ADAM11: variants seen among roughly 807,000 people sequenced by gnomAD.
ADAM11 encodes the protein ADAM metallopeptidase domain 11, also known as disintegrin and metalloproteinase domain-containing protein 11.
ADAM11 carries 49 observed loss-of-function variants against 119.1 expected under a neutral mutation model. The ratio of observed to expected loss-of-function variants is 0.41; its 90% CI spans 0.33 to 0.52. The LOEUF (loss-of-function observed/expected upper bound fraction) is 0.52. Ranked by LOEUF, ADAM11 falls within the 20% of genes least tolerant of loss-of-function variation. The pLI, the probability that ADAM11 is intolerant of heterozygous loss-of-function variation, is 0.20. For missense variants in ADAM11, 777 were observed against 1,047.5 expected, an observed-to-expected ratio of 0.74 and a Z score of 3.56; for synonymous variants, 364 against 408.0, an observed-to-expected ratio of 0.89 and a Z score of 1.30.
rs1387904699 is a variant in ADAM11 at position 44,776,318 on chromosome 17, A to C, written c.1566+111A>C. On this transcript the variant is annotated intron_variant, in intron 18 of 26. Transcript: ENST00000200557. This position sits in a 1 kb window ranked among gnomAD's most constrained non-coding sequence, Gnocchi z 5.2. Reference sequence around the variant, plus strand: ...CACTCCCCTCCTCTCCACAGCTGGCATCGACCTCCACTGATCAGACTGTTT... The same window carrying C: ...CACTCCCCTCCTCTCCACAGCTGGCCTCGACCTCCACTGATCAGACTGTTT... 8.5e-7 allele frequency: 1 copy of C among 1,174,452 alleles called. No individual in the cohort carries two copies. Among genetic ancestry groups the C allele is most frequent in the East Asian group, 2.4e-5 (1 of 42,352 alleles). 72.8% of individuals were successfully genotyped at this position (1,174,452 alleles called of 1,614,324 possible).
chr17:44,778,271 T>C (rs2049634265), intron 25 of ADAM11, 29 bp downstream of exon 25: 1 of 1,589,280 alleles, frequency 6.3e-7, no homozygotes. Flanking sequence ...CTGTGCCCCC[T>C]GGCATCCTTG....
chr17:44,764,324 C>T (rs1259240619), intron 2 of ADAM11, among the ~76,000 whole-genome samples: 2 of 152,184 alleles, frequency 1.3e-5, no homozygotes, highest in Admixed American at 6.5e-5. Context: ...TGCAGAAAGG[C>T]GGAGGGCAGT....
At chr17:44,765,723 C>T (rs560893337) in intron 2 of ADAM11, among the ~76,000 whole-genome samples, 1 of 142,370 alleles carries the variant, frequency 7.0e-6, no homozygotes, top group African/African-American at 2.6e-5. Context: ...CGGGTTCAAG[C>T]AATTCCCCTG....
At position 44,776,215 on chromosome 17, in the gene ADAM11, C is replaced by G; in HGVS notation, c.1566+8C>G. The G allele has an allele frequency of 1.2e-6, 2 of 1,612,896 alleles. No individual in the cohort carries two copies. Among genetic ancestry groups the G allele is most frequent in the African/African-American group, 1.3e-5 (1 of 75,002 alleles). ...ACCGGGGACTCTAGCCAGGTCCGCC[C>G]GGCCCCGCCGTCTTGTGGAGCCCTG... On this transcript the variant is annotated splice_region_variant and intron_variant, in intron 18 of 26. Transcript: ENST00000200557. The surrounding 1 kb of genome is among the most constrained non-coding windows in gnomAD (Gnocchi z 5.2).
In ADAM11 at chr17:44,779,211, TCCC is replaced by T. The variant is rs755980761; in HGVS notation, c.2277-8_2277-6del. ...CTTTTCCTCTCCCCTTCCACCATCCTCCCCCTGCAGAAACATTCGCCGAGGAAG... is the reference window on the plus strand; with the variant it reads ...CTTTTCCTCTCCCCTTCCACCATCCTCCTGCAGAAACATTCGCCGAGGAAG... On this transcript the variant is annotated splice_region_variant and splice_polypyrimidine_tract_variant and intron_variant, in intron 25 of 26. Transcript: ENST00000200557. The T allele has an allele frequency of 6.3e-7, 1 of 1,586,346 alleles. No individual in the cohort carries two copies. Among genetic ancestry groups the T allele is most frequent in the Non-Finnish European group, 8.6e-7 (1 of 1,169,400 alleles).
intron 1 of ADAM11, 73 bp from the exon 2 acceptor site, chr17:44,759,649 C>T (rs2049364999): frequency 1.5e-6 from 2 of 1,305,906 alleles, no homozygotes; most frequent in Non-Finnish European, 2.0e-6. Context: ...GGGGATGAGG[C>T]ATGCCCACCC....
chr17:44,780,430 ACCAAAGCTGCCT>A lies in ADAM11; in HGVS notation c.*677_*688del, dbSNP rs1351822297. 2 of 313,762 alleles carry A rather than the reference ACCAAAGCTGCCT, an allele frequency of 6.4e-6. No homozygotes were observed. Among genetic ancestry groups the A allele is most frequent in the African/African-American group, 4.5e-5 (2 of 44,554 alleles). The allele number at this position is 313,762 out of a possible 1,614,324, so 19.4% of individuals were successfully genotyped here. A position where few individuals can be genotyped will look rare whatever the true frequency, so the allele number is the denominator to read the frequency against. Reference sequence around the variant, plus strand: ...GGAGGAAGTATGAGTGCTGATTCAAACCAAAGCTGCCTGTGCCATGCCCAAGGCCTAGGTTAT... The same window carrying A: ...GGAGGAAGTATGAGTGCTGATTCAAAGTGCCATGCCCAAGGCCTAGGTTAT... On this transcript the variant is annotated 3_prime_UTR_variant, in exon 27 of 27. Coordinates refer to ENST00000200557, the MANE Select transcript of ADAM11 (RefSeq NM_002390.6).
At position 44,773,003 on chromosome 17, in the gene ADAM11, C is replaced by G; in HGVS notation, c.754-11C>G. On this transcript the variant is annotated splice_polypyrimidine_tract_variant and intron_variant, in intron 9 of 26. Transcript: ENST00000200557. This position sits in a 1 kb window ranked among gnomAD's most constrained non-coding sequence, Gnocchi z 4.6. ...GGAGCCTGGCCCTCCTCCCATTCTT[C>G]TCTCTCCCAGTTCGAGCAGATGCGA... 1 of 1,614,086 alleles carries G rather than the reference C, an allele frequency of 6.2e-7. No homozygotes were observed.
intron 5 of ADAM11, 40 bp from the exon 6 acceptor site, chr17:44,771,716 G>A (rs747906784): frequency 5.0e-6 from 8 of 1,612,096 alleles, no homozygotes. Flanking sequence ...CTCTGGCCCA[G>A]GCCTGGGGAC....
Position 44,776,128 on chromosome 17 carries a change from A to G in ADAM11, c.1487A>G (p.Tyr496Cys). 1 of 1,613,556 alleles carries G rather than the reference A, an allele frequency of 6.2e-7. No individual in the cohort carries two copies. The highest frequency in any genetic ancestry group is 8.5e-7 in the Non-Finnish European group (1 of 1,179,900). Residue 496 changes from tyrosine to cysteine, a missense_variant and splice_region_variant, in exon 18 of 27, where the codon TAC becomes TGC. Physicochemically the swap from Tyr to Cys is radical, Grantham distance 194. Transcript: ENST00000200557. This position sits in a 1 kb window ranked among gnomAD's most constrained non-coding sequence, Gnocchi z 5.2. Reference protein sequence around the residue: ...SDGLCCRRCKYEPRGVSCREA... With the variant: ...SDGLCCRRCKCEPRGVSCREA... The stretch of plus-strand genomic sequence containing the variant: ...TCGAGGAGCGCGTCTCTTCCCTAGT[A>G]CGAACCACGGGGTGTGTCCTGCCGA...
At chr17:44,760,112 C>T (rs3764840) in intron 2 of ADAM11, among the ~76,000 whole-genome samples, 136,928 of 152,320 alleles carry the variant, frequency 0.9, 61,650 homozygotes, top group African/African-American at 0.94. Flanking sequence ...GGGTCCCCTG[C>T]CCTCAGTGTA....
Position 44,765,660 on chromosome 17 carries a change from GC to G in ADAM11, c.238-4055del, listed in dbSNP as rs1431500252. ...TAGAGACAGAGTGTTTTGCTGTGTT[GC>G]CCAGGCTGGAGTGCAGTGGCACGAT... is the stretch of plus-strand genomic sequence containing the variant. On this transcript the variant is annotated intron_variant, in intron 2 of 26. Transcript: ENST00000200557. Among the ~76,000 whole-genome samples, 5 of 96,460 alleles carry G rather than the reference GC, an allele frequency of 5.2e-5. No individual in the cohort carries two copies. The East Asian group carries it at 1.0e-3, about 20-fold the overall frequency. 63.3% of individuals were successfully genotyped at this position (96,460 alleles called of 152,430 possible).
At position 44,770,120 on chromosome 17, in the gene ADAM11, G is replaced by A. The variant is rs994121546; in HGVS notation, c.381+72G>A. ...CTGTTTCTGTGGTTCTGTGGTCACA[G>A]GTGTAGGGACAGGTGGCCACTGGAG... On this transcript the variant is annotated intron_variant, in intron 4 of 26. Coordinates refer to ENST00000200557, the MANE Select transcript of ADAM11 (RefSeq NM_002390.6). 1.3e-5 allele frequency: 20 copies of A among 1,560,286 alleles called. No homozygotes were observed. In the African/African-American group the frequency reaches 2.2e-4, roughly 17 times the overall value.
chr17:44,773,471 C>T lies in ADAM11; in HGVS notation c.992+44C>T. On this transcript the variant is annotated intron_variant, in intron 11 of 26. Transcript: ENST00000200557. This position sits in a 1 kb window ranked among gnomAD's most constrained non-coding sequence, Gnocchi z 4.6. Reference sequence around the variant, plus strand: ...ACCTCCTGCCAGCCTCTGCTAGTTGCTACAGTGCTTGGGATTACTTAACAC... The same window carrying T: ...ACCTCCTGCCAGCCTCTGCTAGTTGTTACAGTGCTTGGGATTACTTAACAC... 1.9e-6 allele frequency: 3 copies of T among 1,597,278 alleles called. No individual in the cohort carries two copies. Among genetic ancestry groups the T allele is most frequent in the South Asian group, 2.2e-5 (2 of 89,682 alleles).
Position 44,779,479 on chromosome 17 carries a change from G to A in ADAM11, c.2294+240G>A, listed in dbSNP as rs901939374. 40 of 985,270 alleles carry A rather than the reference G, an allele frequency of 4.1e-5. 1 individual carries two copies. Among genetic ancestry groups the A allele is most frequent in the Middle Eastern group, 5.2e-4 (1 of 1,936 alleles). 61.0% of individuals were successfully genotyped at this position (985,270 alleles called of 1,614,324 possible). ...ACGTCCTTCTCGACTGCCCTGCTGCGGCCAGGCCCTCCCCTGCCACCAGGT... is the reference window on the plus strand; with the variant it reads ...ACGTCCTTCTCGACTGCCCTGCTGCAGCCAGGCCCTCCCCTGCCACCAGGT... On this transcript the variant is annotated intron_variant, in intron 26 of 26. Transcript: ENST00000200557.
At position 44,772,369 on chromosome 17, in the gene ADAM11, T is replaced by G. The variant is rs1042615987; in HGVS notation, c.611-30T>G. On this transcript the variant is annotated intron_variant, in intron 7 of 26. Transcript: ENST00000200557. The surrounding 1 kb of genome is among the most constrained non-coding windows in gnomAD (Gnocchi z 4.5). The stretch of plus-strand genomic sequence containing the variant: ...GAAGGGGGGGTGGGGAGGGGCCGGC[T>G]GTGCCCCCCTCACCTGCCCCTCCCC... 1.3e-6 allele frequency: 2 copies of G among 1,579,596 alleles called. No homozygotes were observed. Among genetic ancestry groups the G allele is most frequent in the Non-Finnish European group, 1.7e-6 (2 of 1,161,566 alleles).
intron 2 of ADAM11, among the ~76,000 whole-genome samples, chr17:44,767,185 C>A (rs886521722): frequency 6.6e-6 from 1 of 151,816 alleles, no homozygotes; most frequent in Non-Finnish European, 1.5e-5. Flanking sequence ...GAAACCCTGT[C>A]TCTACTAAAA....
In ADAM11 at chr17:44,773,134, C is replaced by T. The variant is rs1197473586; in HGVS notation, c.825+49C>T. 1.1e-5 allele frequency: 18 copies of T among 1,591,190 alleles called. No individual in the cohort carries two copies. The highest frequency in any genetic ancestry group is 1.6e-5 in the Non-Finnish European group (18 of 1,160,166). On this transcript the variant is annotated intron_variant, in intron 10 of 26. Coordinates refer to ENST00000200557, the MANE Select transcript of ADAM11 (RefSeq NM_002390.6). The surrounding 1 kb of genome is among the most constrained non-coding windows in gnomAD (Gnocchi z 4.6). ...TTCCCTCCTCCTCATGCCCCCCACC[C>T]CACCACACACATTAGGGGGCACTGT...
At chr17:44,769,928 A>G in intron 3 of ADAM11, 54 bp from the exon 4 acceptor site, 1 of 1,611,288 alleles carries the variant, frequency 6.2e-7, no homozygotes, top group Non-Finnish European at 8.5e-7. Flanking sequence ...GCGAGCCTCA[A>G]GCCCGACCTC....
Sources: gnomAD v4.1 joint callset for allele counts (sites outside exome capture counted in the v4.1 genomes callset) on GRCh38, gnomAD v4.1.1 for gene constraint, Gnocchi (gnomAD v3.1) non-coding constraint, MANE v1.5 for transcripts, NCBI Gene and HGNC (gene_info 2026-07-23, HGNC 2026-07-21) for gene names.